Variants in RARB observed in about 807,000 individuals in gnomAD.
The protein encoded by RARB is HBV-activated protein.
A neutral mutation model predicts 51.9 loss-of-function variants in RARB; 17 were observed. The ratio of observed to expected loss-of-function variants is 0.33; its 90% CI spans 0.22 to 0.49. The LOEUF (loss-of-function observed/expected upper bound fraction) is 0.49, where lower values mean the gene tolerates loss of function less well. Ranked by LOEUF, RARB falls within the 20% of genes least tolerant of loss-of-function variation. RARB has a pLI of 0.99. For synonymous variants in RARB, 215 were observed against 195.4 expected (o/e 1.10, Z -0.84); for missense variants, 369 against 550.8 (o/e 0.67, Z 3.30).
chr3:25,206,064 C>T (rs1027050493), intron 5 of RARB, among the ~76,000 whole-genome samples: 7 of 152,146 alleles, frequency 4.6e-5, no homozygotes, highest in Non-Finnish European at 8.8e-5. Flanking sequence ...ATGTTTTTGA[C>T]GTATGATATT....
chr3:25,035,968 T>C (rs1342131406), intron 2 of RARB, among the ~76,000 whole-genome samples: 1 of 152,214 alleles, frequency 6.6e-6, no homozygotes, highest in Non-Finnish European at 1.5e-5. Context: ...GACATGGTCC[T>C]TCACGAGACC....
chr3:25,195,198 T>C (rs983357152), intron 5 of RARB, among the ~76,000 whole-genome samples: 8 of 151,990 alleles, frequency 5.3e-5, no homozygotes, highest in African/African-American at 7.2e-5. Flanking sequence ...AAATTTTTTT[T>C]TTCCAAACAG....
intron 2 of RARB, among the ~76,000 whole-genome samples, chr3:24,912,836 T>C (rs73047701): frequency 9.2e-5 from 14 of 152,166 alleles, no homozygotes; most frequent in Non-Finnish European, 2.1e-4. Context: ...AGAGAAATGT[T>C]TTTCAAAGTG....
intron 2 of RARB, among the ~76,000 whole-genome samples, chr3:24,901,190 T>C (rs1396791531): frequency 6.6e-6 from 1 of 152,216 alleles, no homozygotes; most frequent in African/African-American, 2.4e-5. Flanking sequence ...AGCTACATAA[T>C]GATTTCAGAG....
chr3:24,881,605 A>G (rs1433314926), intron 2 of RARB, among the ~76,000 whole-genome samples: 1 of 152,210 alleles, frequency 6.6e-6, no homozygotes. Context: ...TTACCTATAA[A>G]TGTTTGAGAA....
At chr3:25,248,062 G>T (rs1025000143) in intron 5 of RARB, among the ~76,000 whole-genome samples, 1 of 152,040 alleles carries the variant, frequency 6.6e-6, no homozygotes, top group Non-Finnish European at 1.5e-5. Context: ...CTCTGGTGTC[G>T]GATGAATATA....
intron 2 of RARB, among the ~76,000 whole-genome samples, chr3:25,052,670 A>G (rs1259342961): frequency 1.3e-5 from 2 of 152,222 alleles, no homozygotes; most frequent in Non-Finnish European, 2.9e-5. Flanking sequence ...CCTGAAGGTT[A>G]GTGCATGCAG....
At chr3:25,591,384 C>A (rs1036383088) in intron 5 of RARB, among the ~76,000 whole-genome samples, 1 of 152,166 alleles carries the variant, frequency 6.6e-6, no homozygotes, top group Non-Finnish European at 1.5e-5. Context: ...ATGTGCTGCA[C>A]AAAAGTGCCC....
chr3:25,507,337 A>C (rs1386840818), intron 3 of RARB, among the ~76,000 whole-genome samples: 1 of 152,204 alleles, frequency 6.6e-6, no homozygotes. Context: ...TCAGAGGCAA[A>C]ACAATTCTAG....
At chr3:25,107,982 G>A (rs988018221) in intron 3 of RARB, among the ~76,000 whole-genome samples, 2 of 151,958 alleles carry the variant, frequency 1.3e-5, no homozygotes, top group African/African-American at 4.8e-5. Context: ...TTGCACATTG[G>A]GGACAATATT....
At chr3:25,269,640 T>C (rs1277676385) in intron 5 of RARB, among the ~76,000 whole-genome samples, 2 of 152,176 alleles carry the variant, frequency 1.3e-5, no homozygotes, top group Non-Finnish European at 1.5e-5. Flanking sequence ...TTAGATAAAA[T>C]GGCAGTAGTA....
intron 2 of RARB, among the ~76,000 whole-genome samples, chr3:25,039,892 G>C (rs951557138): frequency 6.6e-6 from 1 of 152,218 alleles, no homozygotes; most frequent in Non-Finnish European, 1.5e-5. Context: ...ATCATTCGTG[G>C]CTGGGTAGAA....
chr3:25,067,611 T>C (rs1203515141), intron 3 of RARB, among the ~76,000 whole-genome samples: 1 of 152,228 alleles, frequency 6.6e-6, no homozygotes, highest in African/African-American at 2.4e-5. Flanking sequence ...TTATCTGTTA[T>C]CCCTAGTCCT....
chr3:25,477,598 A>G (rs1696016614), intron 2 of RARB, among the ~76,000 whole-genome samples: 1 of 152,232 alleles, frequency 6.6e-6, no homozygotes, highest in Non-Finnish European at 1.5e-5. Context: ...TACATATGCA[A>G]CATCTCCTTT....
chr3:25,111,619 C>G (rs1284556949), intron 3 of RARB, among the ~76,000 whole-genome samples: 2 of 131,862 alleles, frequency 1.5e-5, no homozygotes, highest in Non-Finnish European at 1.6e-5. Context: ...GAGTCTGTCA[C>G]CCAGGCTAGA....
At chr3:25,069,995 G>A (rs2125307930) in intron 3 of RARB, among the ~76,000 whole-genome samples, 1 of 152,318 alleles carries the variant, frequency 6.6e-6, no homozygotes, top group East Asian at 1.9e-4. Context: ...AGTTCTGGAG[G>A]CTTAGAAGTC....
chr3:24,988,945 C>G (rs1696852889), intron 2 of RARB, among the ~76,000 whole-genome samples: 1 of 152,208 alleles, frequency 6.6e-6, no homozygotes. Context: ...CCTGCCTCAG[C>G]TTCCTGAGTA....
chr3:25,579,834 G>A (rs1701095266), intron 4 of RARB, among the ~76,000 whole-genome samples: 1 of 152,140 alleles, frequency 6.6e-6, no homozygotes. Flanking sequence ...TTTGATTTCT[G>A]GCCAGAATAT....
At chr3:25,565,609 A>G (rs981662421) in intron 3 of RARB, among the ~76,000 whole-genome samples, 5 of 152,222 alleles carry the variant, frequency 3.3e-5, no homozygotes, top group African/African-American at 1.2e-4. Context: ...ATGAAGGAAC[A>G]AATGAATCCA....
Sources: gnomAD v4.1 joint callset for allele counts (sites outside exome capture counted in the v4.1 genomes callset) on GRCh38, gnomAD v4.1.1 for gene constraint, MANE v1.5 for transcripts, NCBI Gene and HGNC (gene_info 2026-07-23, HGNC 2026-07-21) for gene names.